GALNT14: variants seen among roughly 807,000 people sequenced by gnomAD.
GALNT14 encodes polypeptide N-acetylgalactosaminyltransferase 14, also known as UDP-GalNAc:polypeptide N-acetylgalactosaminyltransferase 14.
In GALNT14, 60 loss-of-function variants were observed where a neutral mutation model predicts 77.5. The observed-to-expected ratio is 0.77, with a 90% CI of 0.63 to 0.96. The LOEUF is 0.96. GALNT14 is among the 40% of genes least tolerant of loss of function. The pLI, the probability that GALNT14 is intolerant of heterozygous loss-of-function variation, is 0.00. For missense variants in GALNT14, 710 were observed against 731.0 expected (o/e 0.97, Z 0.33); for synonymous variants, 280 against 281.7 (o/e 0.99, Z 0.06).
chr2:31,122,225 C>T (rs1179071677), intron 1 of GALNT14, among the ~76,000 whole-genome samples: 3 of 152,120 alleles, frequency 2.0e-5, no homozygotes, highest in Non-Finnish European at 2.9e-5. Flanking sequence ...GCCACTAGCC[C>T]GGGATAAGCA....
chr2:31,108,272 A>T (rs558842890), intron 1 of GALNT14, among the ~76,000 whole-genome samples: 1 of 152,318 alleles, frequency 6.6e-6, no homozygotes, highest in Non-Finnish European at 1.5e-5. Context: ...ATCAGTCACA[A>T]ATATTGCCCT....
chr2:31,129,718 G>T, intron 1 of GALNT14: 38 of 820,464 alleles, frequency 4.6e-5, no homozygotes, highest in Non-Finnish European at 5.6e-5. Context: ...CTATGGCTGG[G>T]AGGTGGGGGG....
At chr2:30,956,322 T>G (rs1033458709) in intron 4 of GALNT14, among the ~76,000 whole-genome samples, 1 of 152,230 alleles carries the variant, frequency 6.6e-6, no homozygotes, top group Non-Finnish European at 1.5e-5. Flanking sequence ...GTTATTTTTC[T>G]CTTTAAACAA....
At chr2:30,923,842 A>G (rs1438220271) in intron 13 of GALNT14, among the ~76,000 whole-genome samples, 1 of 152,190 alleles carries the variant, frequency 6.6e-6, no homozygotes, top group Non-Finnish European at 1.5e-5. Flanking sequence ...ACCAACTACA[A>G]CAAACTCATT....
intron 1 of GALNT14, among the ~76,000 whole-genome samples, chr2:31,133,140 C>T (rs545026769): frequency 1.1e-4 from 17 of 152,196 alleles, no homozygotes; most frequent in East Asian, 5.8e-4. Flanking sequence ...TCTGAATTTT[C>T]GGGGAGACTG....
chr2:31,073,068 A>T (rs1254744304), intron 1 of GALNT14: 1 of 152,146 alleles, frequency 6.6e-6, no homozygotes, highest in African/African-American at 2.4e-5. Flanking sequence ...GTCACCTGGG[A>T]TAGTACGTAA....
intron 6 of GALNT14, among the ~76,000 whole-genome samples, chr2:30,949,256 C>T (rs572295776): frequency 6.6e-6 from 1 of 152,236 alleles, no homozygotes; most frequent in African/African-American, 2.4e-5. Flanking sequence ...TCAATCTGTG[C>T]TGGCTAAAAG....
intron 1 of GALNT14, among the ~76,000 whole-genome samples, chr2:31,053,116 C>A (rs944631131): frequency 3.3e-5 from 5 of 152,150 alleles, no homozygotes; most frequent in African/African-American, 1.2e-4. Flanking sequence ...AGCTCACTTG[C>A]CCCCAAGCCC....
intron 1 of GALNT14, among the ~76,000 whole-genome samples, chr2:31,092,113 T>C (rs906872165): frequency 6.6e-5 from 10 of 152,302 alleles, no homozygotes; most frequent in African/African-American, 2.4e-4. Flanking sequence ...CTCAGGACTT[T>C]GGCCATAGAC....
intron 1 of GALNT14, among the ~76,000 whole-genome samples, chr2:31,012,994 A>G (rs1671129853): frequency 6.6e-6 from 1 of 152,250 alleles, no homozygotes; most frequent in Non-Finnish European, 1.5e-5. Context: ...TGCAGAACCA[A>G]TAAATACATG....
chr2:31,040,587 A>C (rs1673041127), intron 1 of GALNT14, among the ~76,000 whole-genome samples: 1 of 152,138 alleles, frequency 6.6e-6, no homozygotes, highest in African/African-American at 2.4e-5. Context: ...CTTAACATGG[A>C]AACAGAGGAA....
chr2:30,982,091 G>A (rs1300057194), intron 2 of GALNT14, among the ~76,000 whole-genome samples: 1 of 152,150 alleles, frequency 6.6e-6, no homozygotes, highest in Non-Finnish European at 1.5e-5. Flanking sequence ...ACGCTTGCTC[G>A]GGTATGCAAA....
chr2:31,138,166 CCTGGCGAGCGCCTCGCT>C lies in GALNT14; in HGVS notation c.-97_-81del, dbSNP rs1679316306. The C allele has an allele frequency of 5.7e-6, 9 of 1,584,604 alleles. No individual in the cohort carries two copies. Among genetic ancestry groups the C allele is most frequent in the Non-Finnish European group, 7.8e-6 (9 of 1,157,792 alleles). On this transcript the variant is annotated 5_prime_UTR_variant, in exon 1 of 15. Transcript: ENST00000349752. ...CGGTCAGGGTTGGCGGGGCAGGAGTCCTGGCGAGCGCCTCGCTCTGGGGAGCTCTAGACCCAGGATCC... is the reference window on the plus strand; with the variant it reads ...CGGTCAGGGTTGGCGGGGCAGGAGTCCTGGGGAGCTCTAGACCCAGGATCC...
At chr2:30,926,267 A>G (rs1006148341) in intron 11 of GALNT14, among the ~76,000 whole-genome samples, 1 of 152,212 alleles carries the variant, frequency 6.6e-6, no homozygotes, top group East Asian at 1.9e-4. Flanking sequence ...GGGAAAGAGA[A>G]GGGGAGGGAT....
chr2:30,902,264 CT>C, the GALNT14 span, among the ~76,000 whole-genome samples: 1 of 152,180 alleles, frequency 6.6e-6, no homozygotes, highest in African/African-American at 2.4e-5. Flanking sequence ...ACTCCTCTTG[CT>C]TTGGCTGCAT....
At chr2:31,062,934 C>CA (rs1674696342) in intron 1 of GALNT14, among the ~76,000 whole-genome samples, 2 of 152,044 alleles carry the variant, frequency 1.3e-5, no homozygotes, top group Non-Finnish European at 2.9e-5. Context: ...TGTAAATTTG[C>CA]TTACGTTCCT....
intron 1 of GALNT14, among the ~76,000 whole-genome samples, chr2:31,134,714 G>A (rs960659077): frequency 4.6e-5 from 7 of 152,156 alleles, no homozygotes; most frequent in Non-Finnish European, 8.8e-5. Context: ...GCTCTCCAAG[G>A]GTGAGGATCT....
At chr2:30,912,066 G>A (rs1040207131) in intron 14 of GALNT14, among the ~76,000 whole-genome samples, 157 bp downstream of exon 14, 5 of 152,086 alleles carry the variant, frequency 3.3e-5, no homozygotes, top group Admixed American at 1.3e-4. Context: ...CATCACAGAG[G>A]GGATCCCAGG....
intron 1 of GALNT14, among the ~76,000 whole-genome samples, chr2:31,046,160 G>T (rs1673442227): frequency 6.6e-6 from 1 of 151,344 alleles, no homozygotes; most frequent in Non-Finnish European, 1.5e-5. Flanking sequence ...GAGAATAGAA[G>T]TTTAAATGTG....
Sources: gnomAD v4.1 joint callset for allele counts (sites outside exome capture counted in the v4.1 genomes callset) on GRCh38, gnomAD v4.1.1 for gene constraint, MANE v1.5 for transcripts, NCBI Gene and HGNC (gene_info 2026-07-23, HGNC 2026-07-21) for gene names.